ASTN1: variants seen among roughly 807,000 people sequenced by gnomAD.
The protein encoded by ASTN1 is astrotactin-1.
ASTN1 carries 41 observed loss-of-function variants against 140.7 expected under a neutral mutation model. That is an observed-to-expected ratio of 0.29 (90% CI 0.23 to 0.38). ASTN1 has a LOEUF of 0.38. Ranked by LOEUF, ASTN1 falls within the 10% of genes least tolerant of loss-of-function variation. The pLI, the probability that ASTN1 is intolerant of heterozygous loss-of-function variation, is 1.00. For missense variants in ASTN1, 1,479 were observed against 1,678.8 expected (o/e 0.88, Z 2.08); for synonymous variants, 640 against 652.2 (o/e 0.98, Z 0.29).
chr1:177,116,651 A>G (rs1201314901), intron 1 of ASTN1, among the ~76,000 whole-genome samples: 1 of 151,950 alleles, frequency 6.6e-6, no homozygotes, highest in Non-Finnish European at 1.5e-5. Context: ...TTCTGCCTCC[A>G]CCATTCTACT....
intron 8 of ASTN1, among the ~76,000 whole-genome samples, chr1:176,984,584 G>C (rs1162257237): frequency 6.6e-6 from 1 of 152,108 alleles, no homozygotes; most frequent in African/African-American, 2.4e-5. Context: ...CTACTGCCAT[G>C]TGTCCACCGA....
chr1:177,074,470 C>T lies in ASTN1; in HGVS notation c.284-13205G>A, dbSNP rs1315999903. Reference sequence around the variant, plus strand: ...TCCTTGATCACTATGTATGGCACACCCCTACAGGACACTCATTCAGGCTTG... The same window carrying T: ...TCCTTGATCACTATGTATGGCACACTCCTACAGGACACTCATTCAGGCTTG... On this transcript the variant is annotated intron_variant, in intron 1 of 22. Transcript: ENST00000361833. Among the ~76,000 whole-genome samples the T allele has an allele frequency of 3.3e-5, 5 of 152,114 alleles. No homozygotes were observed. The South Asian group carries it at 1.0e-3, about 32-fold the overall frequency.
At chr1:177,007,391 C>CA (rs112390178) in intron 8 of ASTN1, among the ~76,000 whole-genome samples, 5,450 of 149,484 alleles carry the variant, frequency 0.036, 313 homozygotes, top group African/African-American at 0.12. Flanking sequence ...AATGCCGTCT[C>CA]AAAAAAAAAA....
chr1:177,144,720 A>G (rs1193625049), intron 1 of ASTN1, among the ~76,000 whole-genome samples: 4 of 151,710 alleles, frequency 2.6e-5, no homozygotes, highest in East Asian at 1.9e-4. Flanking sequence ...ACAGTGTTCA[A>G]TGAGATTGCA....
intron 9 of ASTN1, among the ~76,000 whole-genome samples, chr1:176,963,692 T>A (rs1288872355): frequency 6.6e-6 from 1 of 152,212 alleles, no homozygotes; most frequent in African/African-American, 2.4e-5. Context: ...AACTGTTAGT[T>A]TCTGACTTTT....
intron 2 of ASTN1, among the ~76,000 whole-genome samples, chr1:177,038,501 G>A (rs1676830679): frequency 6.6e-6 from 1 of 151,972 alleles, no homozygotes; most frequent in Non-Finnish European, 1.5e-5. Flanking sequence ...AGGAAGGGAA[G>A]GAGGGAAGCA....
chr1:176,907,358 A>G (rs1030354857), intron 16 of ASTN1, among the ~76,000 whole-genome samples: 1 of 152,226 alleles, frequency 6.6e-6, no homozygotes, highest in Admixed American at 6.5e-5. Flanking sequence ...TTAGGCATTT[A>G]ATATCATTAC....
chr1:176,950,965 T>C (rs1159612946), intron 11 of ASTN1, among the ~76,000 whole-genome samples: 1 of 152,182 alleles, frequency 6.6e-6, no homozygotes, highest in Non-Finnish European at 1.5e-5. Flanking sequence ...GCTGCAGGTG[T>C]GCCTCTGAAA....
At chr1:177,153,632 C>T (rs965943652) in intron 1 of ASTN1, among the ~76,000 whole-genome samples, 2 of 151,980 alleles carry the variant, frequency 1.3e-5, no homozygotes, top group Non-Finnish European at 2.9e-5. Context: ...GTGAAGAAGA[C>T]CTTTCCAGTG....
At chr1:177,018,963 T>A (rs1010179683) in intron 7 of ASTN1, among the ~76,000 whole-genome samples, 19 of 152,076 alleles carry the variant, frequency 1.2e-4, no homozygotes, top group Non-Finnish European at 2.1e-4. Flanking sequence ...TGGGAGAGAA[T>A]GTCAGGGTGC....
In ASTN1 at chr1:176,930,058, CAGGAAACGGAAGAGGA is replaced by C. The variant is rs549802122; in HGVS notation, c.2671+4078_2671+4093del. Among the ~76,000 whole-genome samples, 7 of 152,102 alleles carry C rather than the reference CAGGAAACGGAAGAGGA, an allele frequency of 4.6e-5. No individual in the cohort carries two copies. The South Asian group carries it at 1.5e-3, about 32-fold the overall frequency. The stretch of plus-strand genomic sequence containing the variant: ...TGAGTTGTAGAATGGAGTGGAGTGG[CAGGAAACGGAAGAGGA>C]AGAGATACACACGAGGGAACGATTG... On this transcript the variant is annotated intron_variant, in intron 16 of 22. Coordinates refer to ENST00000361833, the MANE Select transcript of ASTN1 (RefSeq NM_004319.3).
At chr1:176,897,561 G>C (rs1441157309) in intron 16 of ASTN1, among the ~76,000 whole-genome samples, 4 of 150,116 alleles carry the variant, frequency 2.7e-5, no homozygotes, top group African/African-American at 9.9e-5. Context: ...TGACTTTCGT[G>C]AGCGGGAGGA....
chr1:177,077,357 T>A (rs1678966869), intron 1 of ASTN1, among the ~76,000 whole-genome samples: 1 of 152,112 alleles, frequency 6.6e-6, no homozygotes, highest in Non-Finnish European at 1.5e-5. Flanking sequence ...TAAAGATACC[T>A]AGTCAGGTAT....
chr1:176,873,617 A>G (rs1050170708), intron 21 of ASTN1, among the ~76,000 whole-genome samples: 4 of 152,230 alleles, frequency 2.6e-5, no homozygotes, highest in Admixed American at 1.3e-4. Context: ...TGTGAGGAAG[A>G]CAAAGCATAT....
chr1:176,999,235 G>T (rs1054915267), intron 8 of ASTN1, among the ~76,000 whole-genome samples: 1 of 152,138 alleles, frequency 6.6e-6, no homozygotes, highest in Admixed American at 6.5e-5. Context: ...AAAGAGGATG[G>T]ATCAATTCTT....
chr1:177,142,094 T>C (rs1379599647), intron 1 of ASTN1, among the ~76,000 whole-genome samples: 1 of 152,236 alleles, frequency 6.6e-6, no homozygotes. Flanking sequence ...TGTATCACTA[T>C]ACCATGAATC....
chr1:176,857,568 G>C (rs756324932), downstream of ASTN1: 1 of 547,702 alleles, frequency 1.8e-6, no homozygotes, highest in South Asian at 2.7e-5. Context: ...GAGGCAGGGA[G>C]AAGGGGAAAT....
In ASTN1 at chr1:176,982,916, G is replaced by C. The variant is rs187067653; in HGVS notation, c.1524-17679C>G. On this transcript the variant is annotated intron_variant, in intron 8 of 22. Coordinates refer to ENST00000361833, the MANE Select transcript of ASTN1 (RefSeq NM_004319.3). ...TGTTTATGTAAGGTAAGGAAGGTAA[G>C]GAATAGAGGGATGGAAAAGGGCAGT... 4.9e-4 allele frequency among the ~76,000 whole-genome samples: 74 copies of C among 152,286 alleles called. No homozygotes were observed. The Middle Eastern group carries it at 0.01, about 21-fold the overall frequency.
At chr1:177,011,692 A>AT (rs1491389131) in intron 8 of ASTN1, among the ~76,000 whole-genome samples, 2 of 151,414 alleles carry the variant, frequency 1.3e-5, no homozygotes, top group African/African-American at 2.4e-5. Context: ...ACACACACAC[A>AT]TACACCACAC....
Sources: gnomAD v4.1 joint callset for allele counts (sites outside exome capture counted in the v4.1 genomes callset) on GRCh38, gnomAD v4.1.1 for gene constraint, MANE v1.5 for transcripts, NCBI Gene and HGNC (gene_info 2026-07-23, HGNC 2026-07-21) for gene names.